The following CALN1 variants were observed in gnomAD, a reference collection of about 807,000 sequenced individuals.
CALN1 encodes the protein calcium-binding protein 8.
In CALN1, 17 loss-of-function variants were observed where a neutral mutation model predicts 30.6. The ratio of observed to expected loss-of-function variants is 0.56; its 90% CI spans 0.38 to 0.83. The LOEUF (loss-of-function observed/expected upper bound fraction) is 0.83. Among genes scored for constraint, CALN1 ranks in the 40% least tolerant of loss-of-function variants. The pLI is 0.00. For synonymous variants in CALN1, 156 were observed against 131.4 expected (o/e 1.19, Z -1.28); for missense variants, 291 against 354.9 (o/e 0.82, Z 1.45).
At chr7:71,828,392 G>A (rs1248504622) in intron 5 of CALN1, among the ~76,000 whole-genome samples, 1 of 152,018 alleles carries the variant, frequency 6.6e-6, no homozygotes, top group African/African-American at 2.4e-5. Flanking sequence ...ATGGTAAAAG[G>A]GCCTTTACAG....
chr7:71,991,287 C>T (rs1176307241), intron 5 of CALN1, among the ~76,000 whole-genome samples: 2 of 151,980 alleles, frequency 1.3e-5, no homozygotes, highest in African/African-American at 4.8e-5. Context: ...GGTGAAACCC[C>T]GTCTCTACTA....
At chr7:71,795,143 A>G (rs1786819269) in intron 6 of CALN1, among the ~76,000 whole-genome samples, 2 of 151,978 alleles carry the variant, frequency 1.3e-5, no homozygotes, top group South Asian at 4.1e-4. Flanking sequence ...CAGCCTCCCG[A>G]GTAGCGGAGA....
intron 3 of CALN1, among the ~76,000 whole-genome samples, chr7:72,159,164 G>C (rs907872760): frequency 1.3e-5 from 2 of 152,072 alleles, no homozygotes; most frequent in Non-Finnish European, 2.9e-5. Context: ...TATTATGTGA[G>C]ATTTTTAAAG....
At chr7:71,949,078 T>C (rs1796559460) in intron 5 of CALN1, among the ~76,000 whole-genome samples, 1 of 150,738 alleles carries the variant, frequency 6.6e-6, no homozygotes, top group East Asian at 1.9e-4. Context: ...AAAAAGAATT[T>C]GTTTTCCATG....
At chr7:72,455,779 A>G in the CALN1 span, among the ~76,000 whole-genome samples, 1 of 152,168 alleles carries the variant, frequency 6.6e-6, no homozygotes, top group African/African-American at 2.4e-5. Flanking sequence ...GCAAGGGGGA[A>G]TAAGCCAACA....
intron 4 of CALN1, among the ~76,000 whole-genome samples, chr7:72,091,799 T>A (rs1279792940): frequency 6.6e-6 from 1 of 152,212 alleles, no homozygotes; most frequent in African/African-American, 2.4e-5. Context: ...GCAGGTCTAG[T>A]CTTGCCAAAT....
intron 2 of CALN1, among the ~76,000 whole-genome samples, chr7:72,317,162 G>GGGGA (rs1314892137): frequency 7.5e-6 from 1 of 133,600 alleles, no homozygotes. Context: ...GAAGGGAGCA[G>GGGGA]GGGAGGGAGG....
chr7:72,252,977 A>C (rs34089087), intron 3 of CALN1, among the ~76,000 whole-genome samples: 3 of 151,964 alleles, frequency 2.0e-5, no homozygotes, highest in Non-Finnish European at 4.4e-5. Flanking sequence ...AAAACTTCAC[A>C]AAGTTACTTA....
intron 3 of CALN1, among the ~76,000 whole-genome samples, chr7:72,187,982 G>A (rs1790321747): frequency 6.6e-6 from 1 of 152,130 alleles, no homozygotes; most frequent in South Asian, 2.1e-4. Context: ...ATAGATGTTG[G>A]TGTGGATGCG....
chr7:71,960,509 A>G (rs531228630), intron 5 of CALN1, among the ~76,000 whole-genome samples: 1 of 152,176 alleles, frequency 6.6e-6, no homozygotes, highest in Non-Finnish European at 1.5e-5. Context: ...TAATGATTGC[A>G]TTCTTTTTTA....
chr7:71,788,405 G>A (rs1335539284), intron 6 of CALN1, among the ~76,000 whole-genome samples: 1 of 150,978 alleles, frequency 6.6e-6, no homozygotes, highest in Non-Finnish European at 1.5e-5. Context: ...GTGACTTCTT[G>A]CATTATTTCA....
intron 5 of CALN1, among the ~76,000 whole-genome samples, chr7:71,971,953 A>AGAAAGAAAAGAAAGAAAG (rs1266444348): frequency 1.4e-5 from 1 of 72,838 alleles, no homozygotes; most frequent in African/African-American, 7.0e-5. Flanking sequence ...AAAAAAAAAA[A>AGAAAGAAAAGAAAGAAAG]AAAGAAAGAA....
intron 3 of CALN1, among the ~76,000 whole-genome samples, chr7:72,160,680 T>C (rs1788042576): frequency 6.6e-6 from 1 of 152,206 alleles, no homozygotes; most frequent in Non-Finnish European, 1.5e-5. Context: ...TAAATAACAG[T>C]GGGTTCATGA....
intron 5 of CALN1, among the ~76,000 whole-genome samples, chr7:71,870,158 C>T (rs547120834): frequency 2.0e-5 from 3 of 152,132 alleles, no homozygotes; most frequent in Admixed American, 1.3e-4. Flanking sequence ...CGAGGTGGGC[C>T]GATCACCTGA....
rs1188869839 is a variant in CALN1 at position 71,909,034 on chromosome 7, G to A, written c.502-98542C>T. Among the ~76,000 whole-genome samples, 3 of 152,128 alleles carry A rather than the reference G, an allele frequency of 2.0e-5. No homozygotes were observed. In the South Asian group the frequency reaches 6.2e-4, roughly 32 times the overall value. On this transcript the variant is annotated intron_variant, in intron 5 of 6. Coordinates refer to ENST00000395275, the MANE Select transcript of CALN1 (RefSeq NM_031468.4). ...TATTGATTGATTGATTGACTGACGGGCAGACAAGGTCTTGCTCTGTTGCCC... is the reference window on the plus strand; with the variant it reads ...TATTGATTGATTGATTGACTGACGGACAGACAAGGTCTTGCTCTGTTGCCC...
chr7:72,170,344 ACT>A (rs1788851157), intron 3 of CALN1, among the ~76,000 whole-genome samples: 1 of 151,942 alleles, frequency 6.6e-6, no homozygotes, highest in African/African-American at 2.4e-5. Flanking sequence ...GGCCTTAATA[ACT>A]CTGATGCTAC....
chr7:71,863,176 T>G (rs950529533), intron 5 of CALN1, among the ~76,000 whole-genome samples: 10 of 151,980 alleles, frequency 6.6e-5, no homozygotes, highest in African/African-American at 2.2e-4. Flanking sequence ...GGGAGATTGC[T>G]TGGGCCTGGG....
chr7:72,041,755 G>A (rs1373961846), intron 4 of CALN1, among the ~76,000 whole-genome samples: 1 of 152,116 alleles, frequency 6.6e-6, no homozygotes, highest in Non-Finnish European at 1.5e-5. Context: ...GAGGTAATTG[G>A]ATCATGGGGG....
intron 4 of CALN1, among the ~76,000 whole-genome samples, chr7:72,065,598 C>T (rs567205786): frequency 2.0e-5 from 3 of 152,244 alleles, no homozygotes; most frequent in Admixed American, 2.0e-4. Flanking sequence ...ATTGAGATCC[C>T]GGTTCTTGCC....
Sources: gnomAD v4.1 joint callset for allele counts (sites outside exome capture counted in the v4.1 genomes callset) on GRCh38, gnomAD v4.1.1 for gene constraint, MANE v1.5 for transcripts, NCBI Gene and HGNC (gene_info 2026-07-23, HGNC 2026-07-21) for gene names.